The following NIBAN3 variants were observed in gnomAD, a reference collection of about 807,000 sequenced individuals.
NIBAN3 encodes niban apoptosis regulator 3.
Under a neutral mutation model 76.4 loss-of-function variants are expected in NIBAN3, and 66 were observed. The observed-to-expected ratio is 0.86, with a 90% CI of 0.71 to 1.06. The LOEUF (loss-of-function observed/expected upper bound fraction) is 1.06. NIBAN3 is among the 50% of genes least tolerant of loss of function. The pLI is 0.00. For missense variants in NIBAN3, 808 were observed against 810.7 expected, an observed-to-expected ratio of 1.00 and a Z score of 0.04; for synonymous variants, 360 against 355.2, an observed-to-expected ratio of 1.01 and a Z score of -0.15.
At chr19:17,525,026 A>C (rs532054747), upstream of NIBAN3, among the ~76,000 whole-genome samples, 2 of 152,340 alleles carry the variant, frequency 1.3e-5, no homozygotes, top group South Asian at 4.1e-4. Flanking sequence ...AATAGGAGCA[A>C]TGGACATTGA....
chr19:17,526,858 A>G (rs961313275), upstream of NIBAN3, among the ~76,000 whole-genome samples: 3 of 151,948 alleles, frequency 2.0e-5, no homozygotes, highest in Admixed American at 1.3e-4. Context: ...GTGCCTGTCC[A>G]GCTCTGTCTC....
In NIBAN3 at chr19:17,535,315, A is replaced by C. The variant is rs563337251; in HGVS notation, c.427+1614A>C. Reference sequence around the variant, plus strand: ...AATAAAATTACCTAGGTGTGGTGGCATGTGCCGGTAGTCCCAGCTACTCAG... The same window carrying C: ...AATAAAATTACCTAGGTGTGGTGGCCTGTGCCGGTAGTCCCAGCTACTCAG... On this transcript the variant is annotated intron_variant, in intron 4 of 14. Transcript: ENST00000599164. Among the ~76,000 whole-genome samples, 647 of 152,278 alleles carry C rather than the reference A, an allele frequency of 4.2e-3. 4 individuals carry two copies. Among genetic ancestry groups the C allele is most frequent in the African/African-American group, 0.015 (615 of 41,544 alleles).
At chr19:17,527,196 A>G, upstream of NIBAN3, 1 of 1,498,692 alleles carries the variant, frequency 6.7e-7, no homozygotes, top group Non-Finnish European at 9.0e-7. Context: ...GGGAGGACGC[A>G]GGTGCAGCGT....
intron 12 of NIBAN3, among the ~76,000 whole-genome samples, chr19:17,544,902 G>T (rs942689711): frequency 6.6e-6 from 1 of 152,122 alleles, no homozygotes; most frequent in African/African-American, 2.4e-5. Context: ...GAGAATATGG[G>T]CCACTGAGTC....
intron 11 of NIBAN3, 30 bp downstream of exon 11, chr19:17,543,463 G>A (rs759160481): frequency 6.2e-7 from 1 of 1,609,214 alleles, no homozygotes; most frequent in Non-Finnish European, 8.5e-7. Flanking sequence ...GGTGGCATGG[G>A]GTGGCAGTGG....
intron 13 of NIBAN3, 46 bp downstream of exon 13, chr19:17,546,843 G>A: frequency 6.4e-7 from 1 of 1,554,586 alleles, no homozygotes; most frequent in Non-Finnish European, 8.7e-7. Context: ...GCGTCCCTTG[G>A]CTGTATGTAC....
At chr19:17,530,463 G>T (rs1050672397) in intron 1 of NIBAN3, among the ~76,000 whole-genome samples, 11 of 149,646 alleles carry the variant, frequency 7.4e-5, no homozygotes, top group African/African-American at 2.5e-4. Context: ...AACCCAGGAG[G>T]CAGAGGTTGC....
chr19:17,545,148 G>A (rs1177539157), intron 12 of NIBAN3: 1 of 150,820 alleles, frequency 6.6e-6, no homozygotes, highest in Non-Finnish European at 1.5e-5. Context: ...GGGTGACAGA[G>A]AGAGACTATT....
At chr19:17,551,197 GCAA>G (rs2076149521) in intron 14 of NIBAN3, among the ~76,000 whole-genome samples, 1 of 151,950 alleles carries the variant, frequency 6.6e-6, no homozygotes, top group South Asian at 2.1e-4. Context: ...GCGGGTTCAA[GCAA>G]TTCTCCTGCC....
At chr19:17,544,402 T>C (rs935422850) in intron 12 of NIBAN3, among the ~76,000 whole-genome samples, 1 of 152,200 alleles carries the variant, frequency 6.6e-6, no homozygotes, top group Admixed American at 6.5e-5. Flanking sequence ...TTACCCTGTG[T>C]CTGCCACAGA....
intron 12 of NIBAN3, among the ~76,000 whole-genome samples, chr19:17,544,977 G>GGATAGTGA (rs776595879): frequency 1.2e-4 from 18 of 151,864 alleles, no homozygotes; most frequent in Non-Finnish European, 2.5e-4. Context: ...CAGCACTTTG[G>GGATAGTGA]GATAGTGAGA....
At position 17,553,213 on chromosome 19, in the gene NIBAN3, A is replaced by G. The variant is rs1299095468; in HGVS notation, c.*1315A>G. 15 of 1,511,106 alleles carry G rather than the reference A, an allele frequency of 9.9e-6. No individual in the cohort carries two copies. In the East Asian group the frequency reaches 3.0e-4, roughly 30 times the overall value. The allele number at this position is 1,511,106 out of a possible 1,614,324, so 93.6% of individuals were successfully genotyped here. On this transcript the variant is annotated 3_prime_UTR_variant, in exon 15 of 15. Transcript: ENST00000599164. ...GCATTTTTCTTATTGATATCTAATA[A>G]CTCTTTATATCTGAAGGATATGAAC... is the stretch of plus-strand genomic sequence containing the variant.
At position 17,553,575 on chromosome 19, in the gene NIBAN3, C is replaced by G. The variant is rs200935218; in HGVS notation, c.*1677C>G. The G allele has an allele frequency of 3.4e-5, 54 of 1,608,778 alleles. No homozygotes were observed. In the East Asian group the frequency reaches 1.2e-3, roughly 35 times the overall value. On this transcript the variant is annotated 3_prime_UTR_variant, in exon 15 of 15. Transcript: ENST00000599164. Reference sequence around the variant, plus strand: ...CCCCAAGACAATGAGATATTCCTGACCTTTCCACCTATTTCCCTCCAACCC... The same window carrying G: ...CCCCAAGACAATGAGATATTCCTGAGCTTTCCACCTATTTCCCTCCAACCC...
rs753490324 is a variant in NIBAN3, at chr19:17,539,259, C to T, written c.705C>T (p.Asp235=). The change falls in exon 6 of 15, where the codon GAC becomes GAT. Residue 235 remains aspartate, a synonymous_variant. Transcript: ENST00000599164. ...FGDDDVTLGS[D]AEVLTAVLMR... ...ACGACGACGTGACCCTAGGCTCAGA[C>T]GCCGAGGTTAGTGCCCCGCGAGGCC... 5.0e-6 allele frequency: 8 copies of T among 1,601,204 alleles called. No homozygotes were observed. Among genetic ancestry groups the T allele is most frequent in the African/African-American group, 1.3e-5 (1 of 74,694 alleles).
At chr19:17,546,854 CG>C in intron 13 of NIBAN3, 57 bp downstream of exon 13, 2 of 1,540,950 alleles carry the variant, frequency 1.3e-6, no homozygotes, top group Non-Finnish European at 1.7e-6. Context: ...CTGTATGTAC[CG>C]AGCCCCACCA....
chr19:17,532,481 C>T (rs2075747842), intron 3 of NIBAN3, 93 bp downstream of exon 3: 1 of 1,566,128 alleles, frequency 6.4e-7, no homozygotes. Flanking sequence ...CTCAGCATAG[C>T]CCCACCTCTA....
rs140658814 is a variant in NIBAN3, at chr19:17,543,578, C to G, written c.1501C>G (p.Leu501Val). 4.5e-5 allele frequency: 73 copies of G among 1,614,126 alleles called. No individual in the cohort carries two copies. In the African/African-American group the frequency reaches 7.9e-4, roughly 17 times the overall value. The change falls in exon 12 of 15, where the codon CTC becomes GTC. Residue 501 changes from leucine to valine, a missense_variant. Physicochemically the swap from Leu to Val is conservative, Grantham distance 32. Transcript: ENST00000599164. ...GAGGAGGTTCATCCGAGGCTGGGGT[C>G]TCTGCATCTTTTTACCTTTTGTGCT... ...AQRRFIRGWG[L>V]CIFLPFVLSQ...
At chr19:17,540,731 T>G (rs1217387182) in intron 9 of NIBAN3, 149 bp downstream of exon 9, 2 of 563,568 alleles carry the variant, frequency 3.5e-6, no homozygotes, top group East Asian at 6.9e-5. Context: ...GAGCACAGTT[T>G]TTGTTTGTTT....
downstream of NIBAN3, among the ~76,000 whole-genome samples, chr19:17,554,208 A>G (rs1014379614): frequency 2.3e-4 from 35 of 151,450 alleles, no homozygotes; most frequent in African/African-American, 8.0e-4. Flanking sequence ...TTAGCGGGGC[A>G]TGATGGCTCA....
Sources: allele counts gnomAD v4.1 joint callset (sites outside exome capture counted in the v4.1 genomes callset), GRCh38; gene constraint gnomAD v4.1.1; transcripts MANE v1.5; gene names NCBI Gene and HGNC (gene_info 2026-07-23, HGNC 2026-07-21).